The following BABAM2 variants were observed in gnomAD, a reference collection of about 807,000 sequenced individuals.
The protein encoded by BABAM2 is BRISC and BRCA1-A complex member 2.
In BABAM2, 31 loss-of-function variants were observed where a neutral mutation model predicts 54.7. The observed-to-expected ratio is 0.57, with a 90% CI of 0.43 to 0.77. The LOEUF is 0.77. Ranked by LOEUF, BABAM2 falls within the 30% of genes least tolerant of loss-of-function variation. The pLI is 0.00. For synonymous variants in BABAM2, 167 were observed against 162.9 expected (o/e 1.03, Z -0.19); for missense variants, 364 against 455.8 (o/e 0.80, Z 1.83).
intron 7 of BABAM2, among the ~76,000 whole-genome samples, chr2:28,210,112 C>T (rs895621543): frequency 1.3e-5 from 2 of 152,248 alleles, no homozygotes; most frequent in Admixed American, 1.3e-4. Flanking sequence ...ACTGTGGCTT[C>T]CCTTAAATCT....
chr2:28,189,475 C>T (rs1252768159), intron 7 of BABAM2, among the ~76,000 whole-genome samples: 2 of 152,030 alleles, frequency 1.3e-5, no homozygotes, highest in African/African-American at 2.4e-5. Flanking sequence ...TGGATCCTGG[C>T]ACATGGTAGT....
intron 9 of BABAM2, among the ~76,000 whole-genome samples, 175 bp downstream of exon 9, chr2:28,241,568 T>C (rs6737817): frequency 1 from 151,884 of 152,170 alleles, 75,801 homozygotes; most frequent in Middle Eastern, 1. Context: ...GATCTTGGCT[T>C]ACTGCAACCT....
At chr2:28,092,353 G>C (rs1427334719) in intron 6 of BABAM2, among the ~76,000 whole-genome samples, 1 of 152,194 alleles carries the variant, frequency 6.6e-6, no homozygotes, top group African/African-American at 2.4e-5. Context: ...AGGACAAAGA[G>C]TGAATTTAGC....
rs1042234617 is a variant in BABAM2 at position 27,905,082 on chromosome 2, G to T, written c.128+10398G>T. Among the ~76,000 whole-genome samples the T allele has an allele frequency of 5.3e-5, 8 of 152,330 alleles. 1 individual carries two copies. Among genetic ancestry groups the T allele is most frequent in the Admixed American group, 6.5e-5 (1 of 15,308 alleles). ...ATTGGCATATATGAAAGCAAACACA[G>T]AAGTTAGATTGAGGTAGAATCAGAA... On this transcript the variant is annotated intron_variant, in intron 2 of 11. Transcript: ENST00000379624.
chr2:27,929,079 G>A (rs1667918858), intron 2 of BABAM2, among the ~76,000 whole-genome samples: 1 of 148,666 alleles, frequency 6.7e-6, no homozygotes, highest in Non-Finnish European at 1.5e-5. Context: ...AAAGCCAGGT[G>A]TGGTGGTGTG....
chr2:27,998,483 T>A (rs910023475), intron 4 of BABAM2, among the ~76,000 whole-genome samples: 2 of 152,026 alleles, frequency 1.3e-5, no homozygotes, highest in Non-Finnish European at 2.9e-5. Context: ...GTTTTTTTTT[T>A]ACTTTATATA....
chr2:28,284,681 T>G (rs1686649567), intron 10 of BABAM2, among the ~76,000 whole-genome samples: 1 of 152,188 alleles, frequency 6.6e-6, no homozygotes, highest in Non-Finnish European at 1.5e-5. Flanking sequence ...CAAAGGACTC[T>G]GAATTTACCT....
chr2:27,895,851 T>C (rs925556996), intron 2 of BABAM2, among the ~76,000 whole-genome samples: 1 of 152,240 alleles, frequency 6.6e-6, no homozygotes, highest in African/African-American at 2.4e-5. Flanking sequence ...TTCAGTTATT[T>C]ATTTATTCAG....
At chr2:28,215,365 A>G (rs1371580391) in intron 7 of BABAM2, among the ~76,000 whole-genome samples, 3 of 152,172 alleles carry the variant, frequency 2.0e-5, no homozygotes, top group Non-Finnish European at 4.4e-5. Flanking sequence ...TCAAGATTAA[A>G]TGAGATAATG....
chr2:28,273,361 T>C lies in BABAM2; in HGVS notation c.935-24977T>C, dbSNP rs1313282752. Among the ~76,000 whole-genome samples, 4 of 152,236 alleles carry C rather than the reference T, an allele frequency of 2.6e-5. No homozygotes were observed. The East Asian group carries it at 7.7e-4, about 29-fold the overall frequency. On this transcript the variant is annotated intron_variant, in intron 10 of 11. Coordinates refer to ENST00000379624, the MANE Select transcript of BABAM2 (RefSeq NM_199191.3). ...CCTTTCTTCTCTTCTCTCCTCTCCCTGTTCCACTGTTCAATCTGAAAGGGG... is the reference window on the plus strand; with the variant it reads ...CCTTTCTTCTCTTCTCTCCTCTCCCCGTTCCACTGTTCAATCTGAAAGGGG...
chr2:28,060,675 A>G (rs1678785295), intron 6 of BABAM2, among the ~76,000 whole-genome samples: 1 of 152,206 alleles, frequency 6.6e-6, no homozygotes, highest in Non-Finnish European at 1.5e-5. Context: ...AAAATCAATT[A>G]TATTTCTATA....
intron 10 of BABAM2, among the ~76,000 whole-genome samples, chr2:28,263,793 C>A (rs1286496253): frequency 6.6e-6 from 1 of 152,210 alleles, no homozygotes; most frequent in African/African-American, 2.4e-5. Flanking sequence ...TGCTACGGGG[C>A]TCCCCAGTGT....
intron 3 of BABAM2, among the ~76,000 whole-genome samples, chr2:27,968,079 G>C (rs1247484424): frequency 6.6e-6 from 1 of 152,220 alleles, no homozygotes; most frequent in Non-Finnish European, 1.5e-5. Flanking sequence ...ATGAGGAGCC[G>C]AATGTTGATC....
chr2:28,144,252 C>T (rs1323657229), intron 7 of BABAM2, among the ~76,000 whole-genome samples: 5 of 152,194 alleles, frequency 3.3e-5, no homozygotes, highest in Non-Finnish European at 5.9e-5. Flanking sequence ...TCAACATCTT[C>T]TTCTGAATCC....
chr2:27,963,934 C>T (rs185518863), intron 3 of BABAM2, among the ~76,000 whole-genome samples: 51 of 152,228 alleles, frequency 3.4e-4, no homozygotes, highest in Admixed American at 1.0e-3. Context: ...TAGGTTAGTA[C>T]GTTGGTTTGG....
chr2:28,076,792 C>T (rs6723040), intron 6 of BABAM2, among the ~76,000 whole-genome samples: 16,649 of 152,062 alleles, frequency 0.11, 1,677 homozygotes, highest in African/African-American at 0.27. Context: ...TGTGAGCCAC[C>T]GCGCCCAGCC....
chr2:27,934,861 A>C (rs950887006), intron 3 of BABAM2, among the ~76,000 whole-genome samples: 5 of 152,256 alleles, frequency 3.3e-5, no homozygotes, highest in African/African-American at 1.2e-4. Context: ...AAGAAGTTGC[A>C]GAAGAAAATT....
chr2:28,014,953 C>T (rs898921084), intron 4 of BABAM2, among the ~76,000 whole-genome samples: 4 of 152,160 alleles, frequency 2.6e-5, no homozygotes, highest in African/African-American at 4.8e-5. Context: ...CAAGCCAAAG[C>T]GTAATCAAAA....
rs981029524 is a variant in BABAM2, at chr2:28,329,295, C to T, written c.1089-9155C>T. Among the ~76,000 whole-genome samples the T allele has an allele frequency of 7.9e-5, 12 of 152,334 alleles. No homozygotes were observed. The highest frequency in any genetic ancestry group is 6.8e-3 in the Middle Eastern group (2 of 294). On this transcript the variant is annotated intron_variant, in intron 11 of 11. Coordinates refer to ENST00000379624, the MANE Select transcript of BABAM2 (RefSeq NM_199191.3). This position sits in a 1 kb window ranked among gnomAD's most constrained non-coding sequence, Gnocchi z 4.2. ...CTCGGGGCTCTGCAGCGTTCACTAA[C>T]CCTACCCCATTTGTATAAAACTATG...
Sources: gnomAD v4.1 joint callset for allele counts (sites outside exome capture counted in the v4.1 genomes callset) on GRCh38, gnomAD v4.1.1 for gene constraint, Gnocchi (gnomAD v3.1) non-coding constraint, MANE v1.5 for transcripts, NCBI Gene and HGNC (gene_info 2026-07-23, HGNC 2026-07-21) for gene names.